The following EPHX2 variants were observed in gnomAD, a reference collection of about 807,000 sequenced individuals.
EPHX2 encodes the protein bifunctional epoxide hydrolase 2.
In EPHX2, 74 loss-of-function variants were observed where a neutral mutation model predicts 78.7. The observed-to-expected ratio is 0.94, with a 90% CI of 0.78 to 1.14. The LOEUF (loss-of-function observed/expected upper bound fraction) is 1.14, where lower values mean the gene tolerates loss of function less well. Among genes scored for constraint, EPHX2 ranks in the 50% most tolerant of loss-of-function variants. EPHX2 has a pLI of 0.00. For synonymous variants in EPHX2, 251 were observed against 255.2 expected (o/e 0.98, Z 0.16); for missense variants, 715 against 702.5 (o/e 1.02, Z -0.20).
At chr8:27,521,689 G>A (rs966273587) in intron 10 of EPHX2, among the ~76,000 whole-genome samples, 2 of 152,218 alleles carry the variant, frequency 1.3e-5, no homozygotes, top group Admixed American at 1.3e-4. Context: ...ATGGGGACAG[G>A]GAACAGGGCA....
chr8:27,538,306 TATCAC>T (rs2132795190), intron 13 of EPHX2, among the ~76,000 whole-genome samples: 1 of 152,344 alleles, frequency 6.6e-6, no homozygotes, highest in Admixed American at 6.5e-5. Context: ...GAGCATGGAA[TATCAC>T]ATCTTCAACT....
At position 27,516,468 on chromosome 8, in the gene EPHX2, G is replaced by A. The variant is rs997359226; in HGVS notation, c.910+70G>A. The A allele has an allele frequency of 7.7e-6, 11 of 1,422,520 alleles. No individual in the cohort carries two copies. The East Asian group carries it at 1.2e-4, about 15-fold the overall frequency. 88.1% of individuals were successfully genotyped at this position (1,422,520 alleles called of 1,614,324 possible). A position where few individuals can be genotyped will look rare whatever the true frequency, so the allele number is the denominator to read the frequency against. ...TACCTGCCTGAGCGCTCCACGCCTC[G>A]GTGCTTTCCCTGGTCCCAGATCAGA... On this transcript the variant is annotated intron_variant, in intron 8 of 18. Coordinates refer to ENST00000521400, the MANE Select transcript of EPHX2 (RefSeq NM_001979.6).
chr8:27,495,457 G>A (rs933535009), intron 1 of EPHX2, among the ~76,000 whole-genome samples: 4 of 152,146 alleles, frequency 2.6e-5, no homozygotes, highest in African/African-American at 4.8e-5. Flanking sequence ...AGATCATCTC[G>A]GGCAGCATAA....
downstream of EPHX2, among the ~76,000 whole-genome samples, chr8:27,545,877 C>T (rs1585230046): frequency 6.6e-6 from 1 of 152,114 alleles, no homozygotes; most frequent in African/African-American, 2.4e-5. Flanking sequence ...AGGCTGCTGG[C>T]ATTTCTTCAC....
intron 5 of EPHX2, 133 bp downstream of exon 5, chr8:27,507,127 C>A: frequency 8.8e-7 from 1 of 1,137,390 alleles, no homozygotes; most frequent in Non-Finnish European, 1.2e-6. Flanking sequence ...GGTTGGGAGT[C>A]CATCACCCAC....
chr8:27,524,682 C>T (rs1184330176), intron 11 of EPHX2, among the ~76,000 whole-genome samples: 1 of 152,150 alleles, frequency 6.6e-6, no homozygotes, highest in Non-Finnish European at 1.5e-5. Flanking sequence ...TGTTCTCCTC[C>T]CCAGCTCTCC....
chr8:27,539,643 G>A (rs1815330182), intron 14 of EPHX2, among the ~76,000 whole-genome samples: 1 of 152,134 alleles, frequency 6.6e-6, no homozygotes, highest in Non-Finnish European at 1.5e-5. Context: ...ATGAAGCTGG[G>A]GCTGCATGCT....
At chr8:27,501,324 T>TTTCTTCTCCTTCTTCTTC (rs1813762647) in intron 2 of EPHX2, among the ~76,000 whole-genome samples, 4 of 102,914 alleles carry the variant, frequency 3.9e-5, no homozygotes, top group Non-Finnish European at 8.0e-5. Flanking sequence ...TGCTATATAT[T>TTTCTTCTCCTTCTTCTTC]TTCTTCTTCT....
intron 11 of EPHX2, 145 bp from the exon 12 acceptor site, chr8:27,525,217 C>T (rs944018336): frequency 8.9e-6 from 6 of 672,624 alleles, no homozygotes; most frequent in East Asian, 5.3e-5. Context: ...GTTCTGATCC[C>T]ATTCTCCCAT....
chr8:27,546,477 G>C (rs572048517), downstream of EPHX2, among the ~76,000 whole-genome samples: 25 of 152,262 alleles, frequency 1.6e-4, no homozygotes, highest in African/African-American at 6.0e-4. Context: ...AGAATTAAAG[G>C]GCTAATTTAA....
chr8:27,515,588 A>T, intron 6 of EPHX2, 130 bp from the exon 7 acceptor site: 1 of 722,642 alleles, frequency 1.4e-6, no homozygotes, highest in Non-Finnish European at 2.3e-6. Flanking sequence ...GGGGTCTTTC[A>T]CTGAGAAATC....
At chr8:27,508,689 A>G (rs1814111828) in intron 5 of EPHX2, among the ~76,000 whole-genome samples, 2 of 152,248 alleles carry the variant, frequency 1.3e-5, no homozygotes, top group South Asian at 4.1e-4. Flanking sequence ...GGAAAAATGA[A>G]CATCATCCCC....
At chr8:27,540,166 C>T (rs17057330) in intron 14 of EPHX2, among the ~76,000 whole-genome samples, 12,395 of 152,140 alleles carry the variant, frequency 0.081, 533 homozygotes, top group Non-Finnish European at 0.1. Context: ...GAATCTCTGG[C>T]GATATCTCCA....
At chr8:27,518,167 C>A in intron 9 of EPHX2, 95 bp downstream of exon 9, 2 of 983,808 alleles carry the variant, frequency 2.0e-6, no homozygotes, top group Non-Finnish European at 3.1e-6. Context: ...AGGGAAGCAT[C>A]ATTTCACAGC....
downstream of EPHX2, among the ~76,000 whole-genome samples, chr8:27,545,789 T>TG (rs1040098045): frequency 4.6e-5 from 7 of 152,136 alleles, no homozygotes; most frequent in African/African-American, 1.7e-4. Context: ...TTTGGCATGA[T>TG]GACGGGCATG....
At chr8:27,518,465 C>T (rs1034135121) in intron 9 of EPHX2, among the ~76,000 whole-genome samples, 2 of 152,214 alleles carry the variant, frequency 1.3e-5, no homozygotes, top group Non-Finnish European at 2.9e-5. Context: ...CAGACTGTGA[C>T]CAGCATGGAA....
rs1250899153 is a variant in EPHX2 at position 27,517,274 on chromosome 8, TAA to T, written c.911-762_911-761del. On this transcript the variant is annotated intron_variant, in intron 8 of 18. Coordinates refer to ENST00000521400, the MANE Select transcript of EPHX2 (RefSeq NM_001979.6). ...TATTGTTAAAATTGCTATTATTTTT[TAA>T]ATCATACTACCCATTGATTTGGGTA... 1.4e-4 allele frequency among the ~76,000 whole-genome samples: 21 copies of T among 152,126 alleles called. 1 individual carries two copies. The highest frequency in any genetic ancestry group is 5.1e-4 in the African/African-American group (21 of 41,376).
At chr8:27,538,986 G>A in intron 14 of EPHX2, 2 of 403,048 alleles carry the variant, frequency 5.0e-6, no homozygotes, top group Non-Finnish European at 4.5e-6. Context: ...AAGGACCCCA[G>A]GATTGAGAGC....
Position 27,541,553 on chromosome 8 carries a change from G to C in EPHX2, c.1449+11G>C, listed in dbSNP as rs903138936. 1 of 1,614,106 alleles carries C rather than the reference G, an allele frequency of 6.2e-7. No individual in the cohort carries two copies. The highest frequency in any genetic ancestry group is 1.3e-5 in the African/African-American group (1 of 74,942). On this transcript the variant is annotated intron_variant, in intron 16 of 18. Coordinates refer to ENST00000521400, the MANE Select transcript of EPHX2 (RefSeq NM_001979.6). ...AGCTTGGGACGGAAGGTGAGTGCCAGGTTCAGTGTAGTCTCATCCACACCC... is the reference window on the plus strand; with the variant it reads ...AGCTTGGGACGGAAGGTGAGTGCCACGTTCAGTGTAGTCTCATCCACACCC...
Sources: allele counts gnomAD v4.1 joint callset (sites outside exome capture counted in the v4.1 genomes callset), GRCh38; gene constraint gnomAD v4.1.1; transcripts MANE v1.5; gene names NCBI Gene and HGNC (gene_info 2026-07-23, HGNC 2026-07-21).